ZNF816: variants seen among roughly 807,000 people sequenced by gnomAD.
ZNF816 encodes the protein zinc finger protein 816A.
ZNF816 carries 11 observed loss-of-function variants against 8.3 expected under a neutral mutation model. The ratio of observed to expected loss-of-function variants is 1.32; its 90% CI spans 0.83 to 2.19. The LOEUF is 2.19. ZNF816 is among the 30% of genes most tolerant of loss of function. ZNF816 has a pLI of 0.00. For missense variants in ZNF816, 710 were observed against 779.3 expected, an observed-to-expected ratio of 0.91 and a Z score of 1.06; for synonymous variants, 255 against 254.5, an observed-to-expected ratio of 1.00 and a Z score of -0.02.
intron 2 of ZNF816, among the ~76,000 whole-genome samples, chr19:52,955,662 T>C (rs1027808379): frequency 1.2e-4 from 18 of 152,264 alleles, no homozygotes; most frequent in Non-Finnish European, 5.9e-5. Flanking sequence ...CATTAATGTA[T>C]GACTTTCATA....
At chr19:52,954,813 C>CAAAAAAAAAAAAAAA (rs543817856) in intron 2 of ZNF816, among the ~76,000 whole-genome samples, 1 of 91,980 alleles carries the variant, frequency 1.1e-5, no homozygotes, top group African/African-American at 3.7e-5. Context: ...AAAAAACATG[C>CAAAAAAAAAAAAAAA]AAAAAAAAAA....
chr19:52,950,267 T>A lies in ZNF816; in HGVS notation c.1508A>T (p.His503Leu). 1 of 1,613,644 alleles carries A rather than the reference T, an allele frequency of 6.2e-7. No individual in the cohort carries two copies. Among genetic ancestry groups the A allele is most frequent in the South Asian group, 1.1e-5 (1 of 91,034 alleles). Reference sequence around the variant, plus strand: ...ACATTTGTAAGGTTTCTCTCCAGCATGAAGTCTATGATGACGTGCAAGGTT... The same window carrying A: ...ACATTTGTAAGGTTTCTCTCCAGCAAGAAGTCTATGATGACGTGCAAGGTT... ...RENLARHHRL[H>L]AGEKPYKCEE... Residue 503 changes from histidine (H) to leucine (L), a missense_variant, in exon 4 of 4, where the codon CAT (histidine) becomes CTT (leucine). Transcript: ENST00000444460.
At chr19:52,953,473 A>AT (rs1244693641) in intron 2 of ZNF816, 7 of 135,598 alleles carry the variant, frequency 5.2e-5, no homozygotes, top group South Asian at 4.3e-4. Flanking sequence ...TATATATTAT[A>AT]TATAAATATA....
Position 52,950,934 on chromosome 19 carries a change from C to T in ZNF816, c.841G>A (p.Gly281Ser), listed in dbSNP as rs1423810652. 1.2e-6 allele frequency: 2 copies of T among 1,614,128 alleles called. No homozygotes were observed. The highest frequency in any genetic ancestry group is 3.3e-5 in the Admixed American group (2 of 60,022). Residue 281 changes from glycine to serine, a missense_variant, in exon 4 of 4, where the codon GGT becomes AGT. Gly to Ser is a moderately conservative substitution (Grantham distance 56). Transcript: ENST00000444460. ...YIVYHHRCHT[G>S]EKTYKCNECG... ...TCATTACACTTGTAAGTTTTCTCAC[C>T]AGTGTGACATCTATGATGATATACA...
At position 52,952,878 on chromosome 19, in the gene ZNF816, C is replaced by G; in HGVS notation, c.64-1G>C. On this transcript the variant is annotated splice_acceptor_variant, in intron 2 of 3. Transcript: ENST00000444460. LOFTEE classifies it high-confidence loss of function. ...CCACATCCCTGAAAGTCAAGCGTCC[C>G]TAAAATAAAAAACACGTTTCAACAA... is the stretch of plus-strand genomic sequence containing the variant. 6.3e-7 allele frequency: 1 copy of G among 1,589,222 alleles called. No individual in the cohort carries two copies. Among genetic ancestry groups the G allele is most frequent in the Non-Finnish European group, 8.5e-7 (1 of 1,172,820 alleles).
intron 1 of ZNF816, among the ~76,000 whole-genome samples, chr19:52,956,870 C>T (rs2083515104): frequency 1.3e-5 from 2 of 152,094 alleles, no homozygotes; most frequent in Admixed American, 6.6e-5. Context: ...ACCACCTGGC[C>T]CCGGTGGTTA....
chr19:52,950,176 C>A lies in ZNF816; in HGVS notation c.1599G>T (p.Gly533=). 3.7e-6 allele frequency: 6 copies of A among 1,609,852 alleles called. No individual in the cohort carries two copies. The highest frequency in any genetic ancestry group is 4.2e-6 in the Non-Finnish European group (5 of 1,178,730). The change falls in exon 4 of 4, where the codon GGG becomes GGT. Residue 533 remains glycine (G), a synonymous_variant. Transcript: ENST00000444460. ...AAACCTTACATTTGTATGGTTTTTC[C>A]CCAGTATGAATTCTCCTATGTCTTT... is the stretch of plus-strand genomic sequence containing the variant. ...HLERHRRIHT[G]EKPYKCKVCD...
chr19:52,952,096 C>T (rs1568437407), intron 3 of ZNF816, among the ~76,000 whole-genome samples: 1 of 152,066 alleles, frequency 6.6e-6, no homozygotes, highest in East Asian at 1.9e-4. Flanking sequence ...AAAGGCCAAG[C>T]ATGGTGGCTC....
In ZNF816 at chr19:52,950,813, G is replaced by T; in HGVS notation, c.962C>A (p.Thr321Asn). The part of the protein sequence containing the change: ...KPYKCNECGK[T>N]FSEKSSLRCH... ...TCTAAGGGATGACTTCTCACTGAAG[G>T]TCTTGCCACACTCATTACACTTGTA... is the stretch of plus-strand genomic sequence containing the variant. The change falls in exon 4 of 4, where the codon ACC (threonine) becomes AAC (asparagine). Residue 321 changes from threonine (T) to asparagine (N), a missense_variant. Coordinates refer to ENST00000444460, the MANE Select transcript of ZNF816 (RefSeq NM_001202457.3). 6.2e-7 allele frequency: 1 copy of T among 1,613,614 alleles called. No individual in the cohort carries two copies.
At chr19:52,961,830 T>C (rs546157315) in intron 1 of ZNF816, among the ~76,000 whole-genome samples, 34 of 152,336 alleles carry the variant, frequency 2.2e-4, no homozygotes, top group African/African-American at 8.2e-4. Flanking sequence ...GGAACTACTG[T>C]TGGAGACCGA....
rs375978725 is a variant in ZNF816 at position 52,952,767 on chromosome 19, C to T, written c.174G>A (p.Arg58=). Residue 58 remains arginine (R), a synonymous_variant, in exon 3 of 4, where the codon AGG becomes AGA. Coordinates refer to ENST00000444460, the MANE Select transcript of ZNF816 (RefSeq NM_001202457.3). Reference sequence around the variant, plus strand: ...TTTCCTCACCCACAAACTCCAGGTTCCTGTAGTTCTCCAACATCACAGCCC... The same window carrying T: ...TTTCCTCACCCACAAACTCCAGGTTTCTGTAGTTCTCCAACATCACAGCCC... ...LYRAVMLENY[R]NLEFVDSSLK... is the part of the protein sequence containing the mutation. 3.7e-6 allele frequency: 6 copies of T among 1,613,874 alleles called. No homozygotes were observed. In the African/African-American group the frequency reaches 6.7e-5, roughly 18 times the overall value.
intron 1 of ZNF816, among the ~76,000 whole-genome samples, chr19:52,958,528 A>T (rs2083529458): frequency 6.6e-6 from 1 of 152,172 alleles, no homozygotes; most frequent in Admixed American, 6.5e-5. Flanking sequence ...CCAGAGACCT[A>T]GGCTGCGCAT....
In ZNF816 at chr19:52,957,249, C is replaced by T. The variant is rs1316797429; in HGVS notation, c.-15-1145G>A. Reference sequence around the variant, plus strand: ...GGAAGCGAGGTAATTAACAGAAGGTCGAGGCAACCCCTTAGGTGACTTAGG... The same window carrying T: ...GGAAGCGAGGTAATTAACAGAAGGTTGAGGCAACCCCTTAGGTGACTTAGG... On this transcript the variant is annotated intron_variant, in intron 1 of 3. Coordinates refer to ENST00000444460, the MANE Select transcript of ZNF816 (RefSeq NM_001202457.3). This position sits in a 1 kb window ranked among gnomAD's most constrained non-coding sequence, Gnocchi z 4.6. Among the ~76,000 whole-genome samples the T allele has an allele frequency of 3.9e-5, 6 of 152,094 alleles. No individual in the cohort carries two copies. The highest frequency in any genetic ancestry group is 1.2e-4 in the African/African-American group (5 of 41,398).
chr19:52,951,623 C>T (rs1600718800), intron 3 of ZNF816, 39 bp from the exon 4 acceptor site: 4 of 1,484,040 alleles, frequency 2.7e-6, no homozygotes, highest in East Asian at 2.3e-5. Flanking sequence ...CAATTAAGTA[C>T]AGATGGTAAA....
In ZNF816 at chr19:52,949,849, G is replaced by T; in HGVS notation, c.1926C>A (p.Ile642=). Residue 642 remains isoleucine (I), a synonymous_variant, in exon 4 of 4, where the codon ATC becomes ATA. Coordinates refer to ENST00000444460, the MANE Select transcript of ZNF816 (RefSeq NM_001202457.3). ...TTTGTAAAGTTTCCCTACACCCATGGATTGCTTGATGGTGAATAAGTGTTG... is the reference window on the plus strand; with the variant it reads ...TTTGTAAAGTTTCCCTACACCCATGTATTGCTTGATGGTGAATAAGTGTTG... ...GQSTLIHHQA[I]HGCRETLQM is the part of the protein sequence containing the mutation. The T allele has an allele frequency of 6.2e-7, 1 of 1,613,562 alleles. No homozygotes were observed. The highest frequency in any genetic ancestry group is 8.5e-7 in the Non-Finnish European group (1 of 1,179,680).
chr19:52,953,277 CAG>C, intron 2 of ZNF816: 1 of 299,614 alleles, frequency 3.3e-6, no homozygotes, highest in Non-Finnish European at 6.7e-6. Context: ...CCTCTAGTCC[CAG>C]CTACCTGGGA....
intron 2 of ZNF816, among the ~76,000 whole-genome samples, chr19:52,954,779 C>T (rs1312900564): frequency 6.1e-5 from 9 of 148,506 alleles, no homozygotes; most frequent in African/African-American, 2.5e-5. Flanking sequence ...TGCCACTACA[C>T]TCCAGGCGGG....
intron 2 of ZNF816, chr19:52,953,357 C>T (rs754010107): frequency 2.4e-5 from 7 of 290,718 alleles, no homozygotes; most frequent in South Asian, 1.7e-4. Context: ...CGTGCCATTG[C>T]ACTCCAGCTT....
intron 2 of ZNF816, 64 bp downstream of exon 2, chr19:52,955,963 A>C: frequency 1.3e-6 from 2 of 1,559,206 alleles, no homozygotes; most frequent in South Asian, 1.2e-5. Context: ...AAGATTGGCT[A>C]CTACAATACC....
Sources: gnomAD v4.1 joint callset for allele counts (sites outside exome capture counted in the v4.1 genomes callset) on GRCh38, gnomAD v4.1.1 for gene constraint, Gnocchi (gnomAD v3.1) non-coding constraint, MANE v1.5 for transcripts, NCBI Gene and HGNC (gene_info 2026-07-23, HGNC 2026-07-21) for gene names.